The following NHLRC2 variants were observed in gnomAD, a reference collection of about 807,000 sequenced individuals.
NHLRC2 encodes NHL repeat containing 2.
In NHLRC2, 33 loss-of-function variants were observed where a neutral mutation model predicts 68.1. The ratio of observed to expected loss-of-function variants is 0.48; its 90% CI spans 0.37 to 0.65. The LOEUF is 0.65. Among genes scored for constraint, NHLRC2 ranks in the 30% least tolerant of loss-of-function variants. The pLI is 0.00. For synonymous variants in NHLRC2, 311 were observed against 309.6 expected, an observed-to-expected ratio of 1.00 and a Z score of -0.05; for missense variants, 761 against 853.8, an observed-to-expected ratio of 0.89 and a Z score of 1.35.
intron 10 of NHLRC2, among the ~76,000 whole-genome samples, chr10:113,906,258 G>A (rs1283782722): frequency 6.6e-6 from 1 of 152,106 alleles, no homozygotes; most frequent in Non-Finnish European, 1.5e-5. Flanking sequence ...TTAATATTGA[G>A]TCATTGGGAT....
chr10:113,858,685 C>G lies in NHLRC2; in HGVS notation c.331+5C>G. Reference sequence around the variant, plus strand: ...AACACACATACTCTGATAAAGGTATCTGCTCTTTAATTAGTTTCTAACAGA... The same window carrying G: ...AACACACATACTCTGATAAAGGTATGTGCTCTTTAATTAGTTTCTAACAGA... On this transcript the variant is annotated splice_donor_5th_base_variant and intron_variant, in intron 2 of 10. Transcript: ENST00000369301. The G allele has an allele frequency of 6.2e-7, 1 of 1,604,614 alleles. No homozygotes were observed. The highest frequency in any genetic ancestry group is 1.7e-4 in the Middle Eastern group (1 of 6,042).
intron 5 of NHLRC2, among the ~76,000 whole-genome samples, chr10:113,895,479 T>C (rs1225269465): frequency 1.3e-5 from 2 of 152,078 alleles, no homozygotes; most frequent in Non-Finnish European, 2.9e-5. Context: ...GTGTGTGGTA[T>C]TAGATAAGGG....
intron 9 of NHLRC2, 40 bp from the exon 10 acceptor site, chr10:113,904,777 A>C (rs1193530157): frequency 7.1e-7 from 1 of 1,414,194 alleles, no homozygotes; most frequent in Admixed American, 1.7e-5. Flanking sequence ...AATTAATATA[A>C]AGTTCTTGTG....
Position 113,854,859 on chromosome 10 carries a change from A to AGCCCGGCGGAAACATGGCGGC in NHLRC2, c.-7_14dup. 6.5e-7 allele frequency: 1 copy of AGCCCGGCGGAAACATGGCGGC among 1,537,298 alleles called. No homozygotes were observed. Among genetic ancestry groups the AGCCCGGCGGAAACATGGCGGC allele is most frequent in the South Asian group, 1.2e-5 (1 of 83,228 alleles). ...CCGCGGGCCCGGCGGCCGCATCGGG[A>AGCCCGGCGGAAACATGGCGGC]GCCCGGCGGAAACATGGCGGCGCCC... On this transcript the variant is annotated 5_prime_UTR_variant, in exon 1 of 11. It adds an upstream start codon to the 5' untranslated region. Coordinates refer to ENST00000369301, the MANE Select transcript of NHLRC2 (RefSeq NM_198514.4).
chr10:113,865,619 A>G (rs1252149898), intron 2 of NHLRC2, among the ~76,000 whole-genome samples: 4 of 123,326 alleles, frequency 3.2e-5, no homozygotes, highest in African/African-American at 1.3e-4. Flanking sequence ...TTTTTAGTTT[A>G]AGTTCTGGGA....
chr10:113,871,066 C>T (rs1369296827), intron 2 of NHLRC2, among the ~76,000 whole-genome samples: 2 of 137,906 alleles, frequency 1.5e-5, no homozygotes, highest in Non-Finnish European at 3.0e-5. Flanking sequence ...TTCTTATTGC[C>T]CAGGCTAGAG....
chr10:113,882,337 A>G (rs1846042468), intron 4 of NHLRC2, among the ~76,000 whole-genome samples: 1 of 151,654 alleles, frequency 6.6e-6, no homozygotes, highest in African/African-American at 2.4e-5. Context: ...GTGGGTTCCA[A>G]TTTTCTACAT....
chr10:113,854,845 G>A lies in NHLRC2; in HGVS notation c.-28G>A. ...CCAGCGAGACTCTCCCGCGGGCCCG[G>A]CGGCCGCATCGGGAGCCCGGCGGAA... On this transcript the variant is annotated 5_prime_UTR_variant, in exon 1 of 11. Coordinates refer to ENST00000369301, the MANE Select transcript of NHLRC2 (RefSeq NM_198514.4). 1.3e-6 allele frequency: 2 copies of A among 1,528,418 alleles called. No homozygotes were observed. The highest frequency in any genetic ancestry group is 1.8e-6 in the Non-Finnish European group (2 of 1,138,240). The allele number at this position is 1,528,418 out of a possible 1,614,324, so 94.7% of individuals were successfully genotyped here. A position where few individuals can be genotyped will look rare whatever the true frequency, so the allele number is the denominator to read the frequency against.
At chr10:113,882,734 A>T (rs1007928618) in intron 4 of NHLRC2, among the ~76,000 whole-genome samples, 1 of 151,456 alleles carries the variant, frequency 6.6e-6, no homozygotes, top group Non-Finnish European at 1.5e-5. Context: ...TTTGTTGCTT[A>T]TGTTTTTGTT....
At chr10:113,888,151 G>A (rs889960510) in intron 5 of NHLRC2, among the ~76,000 whole-genome samples, 4 of 152,160 alleles carry the variant, frequency 2.6e-5, no homozygotes, top group Non-Finnish European at 5.9e-5. Flanking sequence ...GTTGCTAGAG[G>A]CTAGGAATAA....
chr10:113,874,199 TCTACA>T (rs1175120084), intron 2 of NHLRC2, among the ~76,000 whole-genome samples: 1 of 152,216 alleles, frequency 6.6e-6, no homozygotes, highest in African/African-American at 2.4e-5. Flanking sequence ...GAAATTTTAC[TCTACA>T]CTAGGTACTA....
chr10:113,858,518 T>C lies in NHLRC2; in HGVS notation c.179-10T>C. The C allele has an allele frequency of 6.4e-7, 1 of 1,567,478 alleles. No individual in the cohort carries two copies. The highest frequency in any genetic ancestry group is 8.7e-7 in the Non-Finnish European group (1 of 1,147,892). On this transcript the variant is annotated splice_polypyrimidine_tract_variant and intron_variant, in intron 1 of 10. Transcript: ENST00000369301. ...TTTAATCATTGTAATTTATTTTATGTAAATTTCAGGATTAGAATGGCTGAA... is the reference window on the plus strand; with the variant it reads ...TTTAATCATTGTAATTTATTTTATGCAAATTTCAGGATTAGAATGGCTGAA...
Position 113,884,238 on chromosome 10 carries a change from T to A in NHLRC2, c.910-13T>A. ...ACATTCATTGCATAAAACCATCCTT[T>A]GAATTTCTATAGATTGACCTAGAAG... On this transcript the variant is annotated splice_polypyrimidine_tract_variant and intron_variant, in intron 4 of 10. Coordinates refer to ENST00000369301, the MANE Select transcript of NHLRC2 (RefSeq NM_198514.4). The A allele has an allele frequency of 6.2e-7, 1 of 1,601,962 alleles. No homozygotes were observed. The highest frequency in any genetic ancestry group is 8.5e-7 in the Non-Finnish European group (1 of 1,173,460).
chr10:113,885,827 T>C (rs954846057), intron 5 of NHLRC2, among the ~76,000 whole-genome samples: 6 of 151,998 alleles, frequency 3.9e-5, no homozygotes, highest in Non-Finnish European at 5.9e-5. Context: ...TCAGACATAA[T>C]AAAGTTAAAA....
At chr10:113,860,689 A>C (rs769499165) in intron 2 of NHLRC2, among the ~76,000 whole-genome samples, 10 of 152,212 alleles carry the variant, frequency 6.6e-5, no homozygotes, top group Non-Finnish European at 1.5e-4. Context: ...TTAAAAAAAC[A>C]ATGTATGAAG....
At position 113,854,824 on chromosome 10, in the gene NHLRC2, C is replaced by T; in HGVS notation, c.-49C>T. 1 of 1,491,974 alleles carries T rather than the reference C, an allele frequency of 6.7e-7. No individual in the cohort carries two copies. The highest frequency in any genetic ancestry group is 9.0e-7 in the Non-Finnish European group (1 of 1,112,758). 92.4% of individuals were successfully genotyped at this position (1,491,974 alleles called of 1,614,324 possible). A position where few individuals can be genotyped will look rare whatever the true frequency, so the allele number is the denominator to read the frequency against. On this transcript the variant is annotated 5_prime_UTR_variant, in exon 1 of 11. Transcript: ENST00000369301. ...ACAGTGAACGTTTCGTCTCTCCCAGCGAGACTCTCCCGCGGGCCCGGCGGC... is the reference window on the plus strand; with the variant it reads ...ACAGTGAACGTTTCGTCTCTCCCAGTGAGACTCTCCCGCGGGCCCGGCGGC...
intron 2 of NHLRC2, among the ~76,000 whole-genome samples, chr10:113,874,354 C>T (rs940140611): frequency 2.6e-5 from 4 of 151,942 alleles, no homozygotes; most frequent in African/African-American, 4.8e-5. Context: ...TGCAGTCCTT[C>T]CCACTCCTCC....
chr10:113,884,105 A>G lies in NHLRC2; in HGVS notation c.910-146A>G, dbSNP rs1363068494. Reference sequence around the variant, plus strand: ...TGCATTTGAATAAGAAGTTCATTCTATAATTGATTGGCCTTTTTTCATAAT... The same window carrying G: ...TGCATTTGAATAAGAAGTTCATTCTGTAATTGATTGGCCTTTTTTCATAAT... On this transcript the variant is annotated intron_variant, in intron 4 of 10. Coordinates refer to ENST00000369301, the MANE Select transcript of NHLRC2 (RefSeq NM_198514.4). 7.4e-6 allele frequency: 4 copies of G among 541,968 alleles called. No homozygotes were observed. In the East Asian group the frequency reaches 9.4e-5, roughly 13 times the overall value. 33.6% of individuals were successfully genotyped at this position (541,968 alleles called of 1,614,324 possible).
intron 1 of NHLRC2, 106 bp downstream of exon 1, chr10:113,855,156 C>T (rs1049548845): frequency 8.9e-6 from 9 of 1,009,758 alleles, no homozygotes; most frequent in South Asian, 8.5e-5. Context: ...GCCGCTGGCG[C>T]CCCGGGGAGT....
Sources: allele counts gnomAD v4.1 joint callset (sites outside exome capture counted in the v4.1 genomes callset), GRCh38; gene constraint gnomAD v4.1.1; transcripts MANE v1.5; gene names NCBI Gene and HGNC (gene_info 2026-07-23, HGNC 2026-07-21).